Variants in NOVA1 observed in about 807,000 individuals in gnomAD.
The protein encoded by NOVA1 is NOVA alternative splicing regulator 1, also known as RNA-binding protein Nova-1.
A neutral mutation model predicts 38.0 loss-of-function variants in NOVA1; 7 were observed. The ratio of observed to expected loss-of-function variants is 0.18; its 90% CI spans 0.10 to 0.35. NOVA1 has a LOEUF of 0.35. Among genes scored for constraint, NOVA1 ranks in the 10% least tolerant of loss-of-function variants. NOVA1 has a pLI of 1.00. For missense variants in NOVA1, 460 were observed against 616.0 expected (o/e 0.75, Z 2.68); for synonymous variants, 270 against 232.5 (o/e 1.16, Z -1.47).
At chr14:26,563,568 A>G (rs1891956136) in intron 2 of NOVA1, among the ~76,000 whole-genome samples, 1 of 138,448 alleles carries the variant, frequency 7.2e-6, no homozygotes, top group Non-Finnish European at 1.5e-5. Flanking sequence ...AAATGAGAGA[A>G]CAGAACAGAA....
At chr14:26,504,658 C>T (rs1420421925) in intron 2 of NOVA1, among the ~76,000 whole-genome samples, 2 of 152,118 alleles carry the variant, frequency 1.3e-5, no homozygotes, top group African/African-American at 4.8e-5. Context: ...TATTTCACTT[C>T]CCTTCAGGTC....
rs777210450 is a variant in NOVA1 at position 26,448,814 on chromosome 14, C to T, written c.669G>A (p.Val223=). The T allele has an allele frequency of 5.6e-6, 9 of 1,614,016 alleles. No homozygotes were observed. Among genetic ancestry groups the T allele is most frequent in the Non-Finnish European group, 7.6e-6 (9 of 1,180,038 alleles). Residue 223 remains valine, a synonymous_variant, in exon 5 of 5, where the codon GTG becomes GTA. Coordinates refer to ENST00000539517, the MANE Select transcript of NOVA1 (RefSeq NM_002515.3). This position sits in a 1 kb window ranked among gnomAD's most constrained non-coding sequence, Gnocchi z 5.3. The part of the protein sequence containing the change: ...GINLQERVVT[V]SGEPEQNRKA... The stretch of plus-strand genomic sequence containing the variant: ...TTCGGTTTTGTTCAGGTTCTCCACT[C>T]ACAGTGACAACCCTCTCTTGCAAGT...
At chr14:26,456,730 C>T (rs1325128542) in intron 4 of NOVA1, among the ~76,000 whole-genome samples, 2 of 151,748 alleles carry the variant, frequency 1.3e-5, no homozygotes, top group African/African-American at 4.8e-5. Context: ...TGCAATTCTT[C>T]TGGGGAAATT....
intron 4 of NOVA1, 134 bp downstream of exon 4, chr14:26,472,186 G>A (rs1884634971): frequency 1.6e-6 from 1 of 617,302 alleles, no homozygotes; most frequent in African/African-American, 1.9e-5. Context: ...TTCTTTCTTA[G>A]GTTATTTGGA....
intron 2 of NOVA1, among the ~76,000 whole-genome samples, chr14:26,521,823 T>C (rs904219550): frequency 1.3e-5 from 2 of 152,094 alleles, no homozygotes; most frequent in African/African-American, 2.4e-5. Context: ...TAGGAGTTTA[T>C]ACAAGAGAAA....
At chr14:26,464,747 G>C (rs1187531331) in intron 4 of NOVA1, among the ~76,000 whole-genome samples, 1 of 151,936 alleles carries the variant, frequency 6.6e-6, no homozygotes, top group African/African-American at 2.4e-5. Flanking sequence ...GATGAAAATT[G>C]TAATATATTT....
At chr14:26,529,814 C>T (rs1017819162) in intron 2 of NOVA1, among the ~76,000 whole-genome samples, 2 of 152,194 alleles carry the variant, frequency 1.3e-5, no homozygotes, top group Admixed American at 1.3e-4. Flanking sequence ...TTCAGTCATG[C>T]AGCCTTTTGT....
intron 4 of NOVA1, among the ~76,000 whole-genome samples, chr14:26,467,930 A>G (rs1385745557): frequency 6.6e-6 from 1 of 152,192 alleles, no homozygotes; most frequent in Non-Finnish European, 1.5e-5. Flanking sequence ...CAATTCTTTG[A>G]AAACTTCCAT....
intron 2 of NOVA1, among the ~76,000 whole-genome samples, chr14:26,483,191 CA>C (rs952750003): frequency 1.3e-5 from 2 of 152,104 alleles, no homozygotes; most frequent in African/African-American, 4.8e-5. Context: ...AAAGTTTTCA[CA>C]GAAATTTAAT....
intron 2 of NOVA1, among the ~76,000 whole-genome samples, chr14:26,575,020 A>G (rs1478937155): frequency 6.6e-6 from 1 of 152,168 alleles, no homozygotes; most frequent in Non-Finnish European, 1.5e-5. Flanking sequence ...TAGGTAAATT[A>G]TAAGTAAATA....
chr14:26,561,483 G>A (rs1295701571), intron 2 of NOVA1, among the ~76,000 whole-genome samples: 2 of 152,180 alleles, frequency 1.3e-5, no homozygotes, highest in African/African-American at 4.8e-5. Flanking sequence ...TGACACAGGA[G>A]AATAATTTCC....
intron 2 of NOVA1, among the ~76,000 whole-genome samples, chr14:26,566,792 C>G (rs1892159632): frequency 6.6e-6 from 1 of 152,080 alleles, no homozygotes; most frequent in African/African-American, 2.4e-5. Context: ...CGGAAGTCAT[C>G]ATTATAAGGA....
chr14:26,531,723 G>A (rs1363523354), intron 2 of NOVA1, among the ~76,000 whole-genome samples: 3 of 152,102 alleles, frequency 2.0e-5, no homozygotes, highest in Non-Finnish European at 4.4e-5. Flanking sequence ...TGGACTTCAT[G>A]AAAATTAAAA....
intron 2 of NOVA1, among the ~76,000 whole-genome samples, chr14:26,546,183 A>C (rs910874621): frequency 1.3e-5 from 2 of 152,072 alleles, no homozygotes; most frequent in African/African-American, 4.8e-5. Context: ...TAGGAATATA[A>C]ATTATATTTT....
At chr14:26,493,126 C>T (rs1335386327) in intron 2 of NOVA1, among the ~76,000 whole-genome samples, 1 of 151,792 alleles carries the variant, frequency 6.6e-6, no homozygotes, top group East Asian at 1.9e-4. Context: ...TATCTTATTA[C>T]CTATTTTTTC....
At chr14:26,461,022 G>A (rs1439019931) in intron 4 of NOVA1, among the ~76,000 whole-genome samples, 1 of 152,148 alleles carries the variant, frequency 6.6e-6, no homozygotes, top group Admixed American at 6.6e-5. Flanking sequence ...CATGCATAAT[G>A]TTCTGTCTTG....
intron 2 of NOVA1, among the ~76,000 whole-genome samples, chr14:26,481,988 T>TTAAAAAAAAAA (rs922159329): frequency 1.9e-5 from 2 of 105,986 alleles, no homozygotes; most frequent in Admixed American, 8.8e-5. Flanking sequence ...TAGATAGAGA[T>TTAAAAAAAAAA]AAAAAAAAAA....
intron 4 of NOVA1, among the ~76,000 whole-genome samples, chr14:26,458,585 T>C (rs1883371047): frequency 1.3e-5 from 2 of 152,020 alleles, no homozygotes; most frequent in African/African-American, 4.8e-5. Flanking sequence ...CAAATACTGC[T>C]TGTTCTCCCT....
intron 2 of NOVA1, among the ~76,000 whole-genome samples, chr14:26,507,442 C>T (rs557391952): frequency 1.3e-5 from 2 of 152,236 alleles, no homozygotes; most frequent in South Asian, 2.1e-4. Context: ...TCCATCCCAG[C>T]TTTGTTGAGG....
Sources: allele counts gnomAD v4.1 joint callset (sites outside exome capture counted in the v4.1 genomes callset), GRCh38; gene constraint gnomAD v4.1.1; non-coding constraint Gnocchi (gnomAD v3.1); transcripts MANE v1.5; gene names NCBI Gene and HGNC (gene_info 2026-07-23, HGNC 2026-07-21).